The following ARHGAP29 variants were observed in gnomAD, a reference collection of about 807,000 sequenced individuals.
ARHGAP29 encodes the protein Rho GTPase activating protein 29.
Under a neutral mutation model 122.6 loss-of-function variants are expected in ARHGAP29, and 43 were observed. The ratio of observed to expected loss-of-function variants is 0.35; its 90% CI spans 0.27 to 0.45. The LOEUF is 0.45. ARHGAP29 is among the 20% of genes least tolerant of loss of function. The probability of loss-of-function intolerance (pLI) is 1.00; values close to 1 mark genes in which losing one functional copy is unlikely to be tolerated. For missense variants in ARHGAP29, 1,303 were observed against 1,477.2 expected, an observed-to-expected ratio of 0.88 and a Z score of 1.93; for synonymous variants, 506 against 497.1, an observed-to-expected ratio of 1.02 and a Z score of -0.24.
the ARHGAP29 span, among the ~76,000 whole-genome samples, chr1:94,307,442 A>G: frequency 3.9e-5 from 6 of 152,268 alleles, no homozygotes; most frequent in Admixed American, 6.5e-5. Context: ...TTTATAATGG[A>G]ATATAAAGCA....
chr1:94,260,526 G>T (rs1654520231), intron 1 of ARHGAP29, among the ~76,000 whole-genome samples: 1 of 152,190 alleles, frequency 6.6e-6, no homozygotes, highest in South Asian at 2.1e-4. Context: ...GTTCTATGGA[G>T]TAATCTGGCA....
At chr1:94,184,615 G>A (rs1019022609) in intron 18 of ARHGAP29, among the ~76,000 whole-genome samples, 4 of 151,430 alleles carry the variant, frequency 2.6e-5, no homozygotes, top group African/African-American at 2.4e-5. Context: ...TTAGCCAGGC[G>A]TGGTAGCGCG....
At chr1:94,262,563 C>G (rs919651002) in intron 1 of ARHGAP29, among the ~76,000 whole-genome samples, 1 of 151,960 alleles carries the variant, frequency 6.6e-6, no homozygotes, top group African/African-American at 2.4e-5. Context: ...AGCAAAAAAA[C>G]CAACAACCCA....
At chr1:94,208,662 G>A (rs1004528378) in intron 5 of ARHGAP29, among the ~76,000 whole-genome samples, 170 bp downstream of exon 5, 4 of 152,042 alleles carry the variant, frequency 2.6e-5, no homozygotes, top group Admixed American at 6.6e-5. Context: ...GTTTCACCAT[G>A]TTGGCCAGGC....
At chr1:94,285,139 T>C in the ARHGAP29 span, among the ~76,000 whole-genome samples, 1 of 152,220 alleles carries the variant, frequency 6.6e-6, no homozygotes, top group Non-Finnish European at 1.5e-5. Flanking sequence ...GTCTTCCAGC[T>C]GTTCATAATT....
chr1:94,180,967 G>A (rs1649417060), intron 19 of ARHGAP29, among the ~76,000 whole-genome samples: 3 of 152,098 alleles, frequency 2.0e-5, no homozygotes. Flanking sequence ...TGAGAGTCCT[G>A]TAAAATGTGA....
At chr1:94,249,504 A>G (rs1302689932) in intron 1 of ARHGAP29, 1 of 152,260 alleles carries the variant, frequency 6.6e-6, no homozygotes, top group East Asian at 1.9e-4. Context: ...CAATCCCAGC[A>G]CTTTGGGAGG....
chr1:94,184,821 T>G (rs762369094), intron 18 of ARHGAP29, 51 bp downstream of exon 18: 1 of 1,378,692 alleles, frequency 7.3e-7, no homozygotes, highest in Non-Finnish European at 9.8e-7. Flanking sequence ...TTCATTAGAA[T>G]AGGTTACACA....
chr1:94,185,169 G>A, intron 17 of ARHGAP29, 109 bp from the exon 18 acceptor site: 1 of 1,222,218 alleles, frequency 8.2e-7, no homozygotes, highest in Non-Finnish European at 1.1e-6. Context: ...GGTATTACTT[G>A]CGCTATTTGA....
chr1:94,180,893 A>ATCATC (rs1400364829), intron 19 of ARHGAP29, among the ~76,000 whole-genome samples: 10 of 152,312 alleles, frequency 6.6e-5, no homozygotes, highest in Admixed American at 3.9e-4. Context: ...GGCTAGAAGA[A>ATCATC]ATAAAGGATG....
chr1:94,240,075 C>G (rs1653518432), upstream of ARHGAP29, among the ~76,000 whole-genome samples: 1 of 152,096 alleles, frequency 6.6e-6, no homozygotes, highest in Non-Finnish European at 1.5e-5. Context: ...CTCAAGGAAG[C>G]AAAGTCTGTC....
intron 1 of ARHGAP29, among the ~76,000 whole-genome samples, chr1:94,271,049 C>G (rs1654970084): frequency 6.6e-6 from 1 of 152,216 alleles, no homozygotes; most frequent in Admixed American, 6.5e-5. Context: ...GTTGGCTGAG[C>G]TGGAGCCATC....
intron 12 of ARHGAP29, among the ~76,000 whole-genome samples, chr1:94,200,645 G>A (rs1650783432): frequency 6.6e-6 from 1 of 152,120 alleles, no homozygotes; most frequent in African/African-American, 2.4e-5. Flanking sequence ...CACCGCAAAT[G>A]TCCAACTAGT....
intron 1 of ARHGAP29, among the ~76,000 whole-genome samples, chr1:94,244,360 C>G (rs147319399): frequency 6.6e-6 from 1 of 151,914 alleles, no homozygotes; most frequent in Admixed American, 6.6e-5. Context: ...GTTTAACATT[C>G]ACTAGAAAAA....
Position 94,173,059 on chromosome 1 carries a change from A to G in ARHGAP29, c.*810T>C, listed in dbSNP as rs1030699567. 6.6e-6 allele frequency: 1 copy of G among 152,584 alleles called. No homozygotes were observed. The highest frequency in any genetic ancestry group is 1.5e-5 in the Non-Finnish European group (1 of 68,022). The allele number at this position is 152,584 out of a possible 1,614,324, so 9.5% of individuals were successfully genotyped here. Reference sequence around the variant, plus strand: ...AACTTCTGAAACAGGCATTTTTTGGACCATTTATAAAATACTAAAAAGTTC... The same window carrying G: ...AACTTCTGAAACAGGCATTTTTTGGGCCATTTATAAAATACTAAAAAGTTC... On this transcript the variant is annotated 3_prime_UTR_variant, in exon 23 of 23. Coordinates refer to ENST00000260526, the MANE Select transcript of ARHGAP29 (RefSeq NM_004815.4).
chr1:94,199,675 A>G (rs1217290708), intron 12 of ARHGAP29, among the ~76,000 whole-genome samples: 1 of 152,196 alleles, frequency 6.6e-6, no homozygotes, highest in East Asian at 1.9e-4. Context: ...CCTATGCTCC[A>G]AAGTCCATGG....
rs780232939 is a variant in ARHGAP29 at position 94,173,572 on chromosome 1, T to C, written c.*297A>G. The C allele has an allele frequency of 2.5e-5, 7 of 284,326 alleles. No individual in the cohort carries two copies. The highest frequency in any genetic ancestry group is 4.0e-5 in the Non-Finnish European group (6 of 150,536). The allele number at this position is 284,326 out of a possible 1,614,324, so 17.6% of individuals were successfully genotyped here. A position where few individuals can be genotyped will look rare whatever the true frequency, so the allele number is the denominator to read the frequency against. ...ATCATATATTAGGGATGCATTCAAA[T>C]GGACCATTTGGTGGGGAAAGTCAAC... is the stretch of plus-strand genomic sequence containing the variant. On this transcript the variant is annotated 3_prime_UTR_variant, in exon 23 of 23. Coordinates refer to ENST00000260526, the MANE Select transcript of ARHGAP29 (RefSeq NM_004815.4).
At chr1:94,277,987 T>C (rs185980988), upstream of ARHGAP29, among the ~76,000 whole-genome samples, 1 of 152,358 alleles carries the variant, frequency 6.6e-6, no homozygotes. Flanking sequence ...TTGGATTATC[T>C]ACACATTTTG....
chr1:94,176,429 T>C (rs796872849), intron 22 of ARHGAP29, among the ~76,000 whole-genome samples: 11 of 152,332 alleles, frequency 7.2e-5, no homozygotes, highest in African/African-American at 2.6e-4. Context: ...TGGGTTCAAA[T>C]GTATTAAGAG....
Sources: allele counts gnomAD v4.1 joint callset (sites outside exome capture counted in the v4.1 genomes callset), GRCh38; gene constraint gnomAD v4.1.1; transcripts MANE v1.5; gene names NCBI Gene and HGNC (gene_info 2026-07-23, HGNC 2026-07-21).